The following POU2F1 variants were observed in gnomAD, a reference collection of about 807,000 sequenced individuals.
POU2F1 encodes the protein POU class 2 homeobox 1.
Under a neutral mutation model 84.9 loss-of-function variants are expected in POU2F1, and 16 were observed. The observed-to-expected ratio is 0.19, with a 90% CI of 0.13 to 0.29. The LOEUF is 0.29. Among genes scored for constraint, POU2F1 ranks in the 10% least tolerant of loss-of-function variants. The pLI, the probability that POU2F1 is intolerant of heterozygous loss-of-function variation, is 1.00. For missense variants in POU2F1, 738 were observed against 942.6 expected (o/e 0.78, Z 2.84); for synonymous variants, 368 against 368.3 (o/e 1.00, Z 0.01).
intron 1 of POU2F1, among the ~76,000 whole-genome samples, chr1:167,316,481 T>C (rs148314747): frequency 6.6e-6 from 1 of 152,240 alleles, no homozygotes; most frequent in Non-Finnish European, 1.5e-5. Flanking sequence ...GGTAGACTTT[T>C]CACGAAACAA....
At chr1:167,304,293 T>G (rs1232592223) in intron 1 of POU2F1, among the ~76,000 whole-genome samples, 1 of 152,190 alleles carries the variant, frequency 6.6e-6, no homozygotes, top group African/African-American at 2.4e-5. Context: ...CCTTTGAAAC[T>G]TTTGTATGTA....
intron 1 of POU2F1, among the ~76,000 whole-genome samples, chr1:167,280,532 C>T (rs780919959): frequency 2.6e-5 from 4 of 152,086 alleles, no homozygotes; most frequent in Admixed American, 6.6e-5. Context: ...AAGGTATGAA[C>T]AGTATTATGA....
intron 1 of POU2F1, among the ~76,000 whole-genome samples, chr1:167,252,779 G>A (rs1312278725): frequency 6.6e-6 from 1 of 152,302 alleles, no homozygotes; most frequent in Admixed American, 6.5e-5. Context: ...ATACGTAACT[G>A]ACTGTGATAA....
In POU2F1 at chr1:167,368,004, A is replaced by G. The variant is rs1422730690; in HGVS notation, c.229-2157A>G. 4.6e-5 allele frequency among the ~76,000 whole-genome samples: 7 copies of G among 152,182 alleles called. 1 individual carries two copies. On this transcript the variant is annotated intron_variant, in intron 3 of 15. Coordinates refer to ENST00000367866, the MANE Select transcript of POU2F1 (RefSeq NM_002697.4). The stretch of plus-strand genomic sequence containing the variant: ...AATACTTCAGCATGTTTTTCCTAAA[A>G]ACAGCATTCTCTTATAAAACTGCAG...
At chr1:167,282,334 T>G (rs1394001700) in intron 1 of POU2F1, among the ~76,000 whole-genome samples, 1 of 151,818 alleles carries the variant, frequency 6.6e-6, no homozygotes, top group African/African-American at 2.4e-5. Context: ...TTAGTAGAGA[T>G]GGGGTTTCAC....
At position 167,297,721 on chromosome 1, in the gene POU2F1, T is replaced by A. The variant is rs559509896; in HGVS notation, c.62-34749T>A. Among the ~76,000 whole-genome samples the A allele has an allele frequency of 2.0e-5, 3 of 152,348 alleles. No homozygotes were observed. In the South Asian group the frequency reaches 6.2e-4, roughly 32 times the overall value. On this transcript the variant is annotated intron_variant, in intron 1 of 15. Transcript: ENST00000367866. ...GCAACCAGCATGTACTACTACTATG[T>A]AAGCCCTCAGTCAAATGTCACAACC...
At chr1:167,239,776 C>T (rs538603536) in intron 1 of POU2F1, among the ~76,000 whole-genome samples, 156 of 152,100 alleles carry the variant, frequency 1.0e-3, no homozygotes, top group Non-Finnish European at 1.9e-3. Context: ...GACAGTTGGC[C>T]GGCCATCCAT....
At chr1:167,237,766 A>AAATTTTTTTTT in intron 1 of POU2F1, among the ~76,000 whole-genome samples, 1 of 58,034 alleles carries the variant, frequency 1.7e-5, no homozygotes, top group Non-Finnish European at 3.3e-5. Context: ...ATATATATAT[A>AAATTTTTTTTT]TATATATTTT....
intron 1 of POU2F1, among the ~76,000 whole-genome samples, chr1:167,300,860 C>G (rs903368407): frequency 2.0e-5 from 3 of 151,836 alleles, no homozygotes; most frequent in Non-Finnish European, 2.9e-5. Flanking sequence ...AACCTCCAAC[C>G]CCCTGGTTCA....
chr1:167,283,226 A>G (rs756352568), intron 1 of POU2F1, among the ~76,000 whole-genome samples: 2 of 152,170 alleles, frequency 1.3e-5, no homozygotes, highest in African/African-American at 2.4e-5. Context: ...ATACTTGGCT[A>G]AGTCCAAATT....
intron 12 of POU2F1, among the ~76,000 whole-genome samples, chr1:167,399,973 T>C (rs1649087086): frequency 3.5e-5 from 1 of 28,862 alleles, no homozygotes; most frequent in Non-Finnish European, 7.3e-5. Flanking sequence ...CCAGTCTTTT[T>C]TTTTTTTTTT....
At chr1:167,221,231 G>A (rs1383967134) in intron 1 of POU2F1, among the ~76,000 whole-genome samples, 1 of 151,312 alleles carries the variant, frequency 6.6e-6, no homozygotes. Flanking sequence ...GCCGCTCGCC[G>A]TCTGCCCGTC....
chr1:167,411,933 A>G (rs1649991480), intron 13 of POU2F1, 26 bp from the exon 14 acceptor site: 1 of 1,578,046 alleles, frequency 6.3e-7, no homozygotes, highest in Non-Finnish European at 8.6e-7. Context: ...ACAAAAGGTC[A>G]TCTTCTAATC....
intron 1 of POU2F1, among the ~76,000 whole-genome samples, chr1:167,260,305 A>G (rs1275989738): frequency 1.3e-5 from 2 of 152,186 alleles, no homozygotes; most frequent in Non-Finnish European, 2.9e-5. Flanking sequence ...ATGTTCTAAT[A>G]TCTTTCCCAG....
intron 13 of POU2F1, among the ~76,000 whole-genome samples, chr1:167,406,959 C>A (rs1003881751): frequency 2.6e-4 from 39 of 151,774 alleles, no homozygotes; most frequent in Non-Finnish European, 4.4e-5. Flanking sequence ...ATATGTGCAT[C>A]TCTCTTTCTC....
chr1:167,285,054 T>C (rs1411342810), intron 1 of POU2F1, among the ~76,000 whole-genome samples: 1 of 152,250 alleles, frequency 6.6e-6, no homozygotes, highest in African/African-American at 2.4e-5. Flanking sequence ...GCAGCTGTGA[T>C]ATGCAAGAGC....
In POU2F1 at chr1:167,332,435, T is replaced by G. The variant is rs1303284500; in HGVS notation, c.62-35T>G. 6 of 1,561,838 alleles carry G rather than the reference T, an allele frequency of 3.8e-6. No homozygotes were observed. In the South Asian group the frequency reaches 6.7e-5, roughly 17 times the overall value. Reference sequence around the variant, plus strand: ...CTCAATCCCATCTCCATCCCCAGTTTTTTAAAAACCTTATTCTCCTCTGAT... The same window carrying G: ...CTCAATCCCATCTCCATCCCCAGTTGTTTAAAAACCTTATTCTCCTCTGAT... On this transcript the variant is annotated intron_variant, in intron 1 of 15. Transcript: ENST00000367866.
intron 1 of POU2F1, among the ~76,000 whole-genome samples, chr1:167,243,483 AT>A (rs1057273270): frequency 1.3e-5 from 2 of 151,408 alleles, no homozygotes; most frequent in Non-Finnish European, 3.0e-5. Flanking sequence ...TTTAATTTTT[AT>A]TTTTTTTTGA....
Position 167,247,292 on chromosome 1 carries a change from C to G in POU2F1, c.61+26334C>G, listed in dbSNP as rs1160712159. Among the ~76,000 whole-genome samples, 3 of 152,190 alleles carry G rather than the reference C, an allele frequency of 2.0e-5. 1 individual carries two copies. Among genetic ancestry groups the G allele is most frequent in the South Asian group, 4.1e-4 (2 of 4,824 alleles). On this transcript the variant is annotated intron_variant, in intron 1 of 15. Transcript: ENST00000367866. ...GGTTGCCCAGGCTAGTCTCAAACTC[C>G]TGGCCTTGAGTGATCCTTCTGCCTC... is the stretch of plus-strand genomic sequence containing the variant.
Sources: gnomAD v4.1 joint callset for allele counts (sites outside exome capture counted in the v4.1 genomes callset) on GRCh38, gnomAD v4.1.1 for gene constraint, MANE v1.5 for transcripts, NCBI Gene and HGNC (gene_info 2026-07-23, HGNC 2026-07-21) for gene names.